Variants in HDAC9 observed in about 807,000 individuals in gnomAD.
HDAC9 encodes the protein MEF-2 interacting transcription repressor (MITR) protein.
In HDAC9, 41 loss-of-function variants were observed where a neutral mutation model predicts 139.4. The ratio of observed to expected loss-of-function variants is 0.29; its 90% CI spans 0.23 to 0.38. HDAC9 has a LOEUF of 0.38. HDAC9 is among the 10% of genes least tolerant of loss of function. The pLI is 1.00. For missense variants in HDAC9, 1,147 were observed against 1,297.0 expected, an observed-to-expected ratio of 0.88 and a Z score of 1.78; for synonymous variants, 517 against 476.2, an observed-to-expected ratio of 1.09 and a Z score of -1.12.
chr7:18,891,959 T>A (rs1011776953), intron 22 of HDAC9: 2 of 152,054 alleles, frequency 1.3e-5, no homozygotes, highest in Non-Finnish European at 2.9e-5. Context: ...AAATAAAAAA[T>A]AAATCTTGGA....
intron 2 of HDAC9, among the ~76,000 whole-genome samples, chr7:18,255,425 A>G (rs1024979043): frequency 4.6e-5 from 7 of 152,168 alleles, no homozygotes; most frequent in African/African-American, 1.7e-4. Flanking sequence ...GCCATAAGTC[A>G]GACAGGGAGC....
chr7:18,098,735 C>T (rs1458120655), intron 1 of HDAC9, among the ~76,000 whole-genome samples: 1 of 152,150 alleles, frequency 6.6e-6, no homozygotes, highest in African/African-American at 2.4e-5. Context: ...TCTATTTCTA[C>T]TTTCAGTCCA....
chr7:18,104,386 A>G (rs1039177352), intron 1 of HDAC9, among the ~76,000 whole-genome samples: 9 of 152,140 alleles, frequency 5.9e-5, no homozygotes, highest in Non-Finnish European at 1.2e-4. Flanking sequence ...TTCAATATCT[A>G]TCAGCTGAGG....
chr7:18,113,682 C>G (rs1783777058), intron 1 of HDAC9, among the ~76,000 whole-genome samples: 1 of 152,148 alleles, frequency 6.6e-6, no homozygotes, highest in African/African-American at 2.4e-5. Context: ...TATATGTATG[C>G]TTCAATTAAA....
At chr7:18,547,450 C>T (rs747572490) in intron 2 of HDAC9, among the ~76,000 whole-genome samples, 144 of 152,230 alleles carry the variant, frequency 9.5e-4, no homozygotes, top group Middle Eastern at 3.4e-3. Flanking sequence ...TTAGCCAGGA[C>T]AGTCTTGATC....
chr7:18,987,796 G>A (rs1785492638), intron 25 of HDAC9, among the ~76,000 whole-genome samples: 1 of 151,994 alleles, frequency 6.6e-6, no homozygotes, highest in South Asian at 2.1e-4. Context: ...TTAGTCTTGG[G>A]AGAGTGTATG....
At chr7:18,220,316 A>G (rs1195253468) in intron 2 of HDAC9, among the ~76,000 whole-genome samples, 1 of 152,220 alleles carries the variant, frequency 6.6e-6, no homozygotes, top group Non-Finnish European at 1.5e-5. Context: ...AAGATTAAAA[A>G]TAGAATAATA....
At chr7:18,588,573 G>A (rs778483235) in intron 3 of HDAC9, among the ~76,000 whole-genome samples, 8 of 152,200 alleles carry the variant, frequency 5.3e-5, no homozygotes, top group Non-Finnish European at 1.2e-4. Flanking sequence ...AAGGAAAGGT[G>A]TCATTGTCTC....
At chr7:18,984,610 C>T (rs60458111) in intron 25 of HDAC9, among the ~76,000 whole-genome samples, 7,748 of 151,916 alleles carry the variant, frequency 0.051, 228 homozygotes, top group Middle Eastern at 0.099. Flanking sequence ...AGGAAGAAAA[C>T]CTAGTGTAGA....
chr7:18,701,085 G>A (rs1054700700), intron 12 of HDAC9, among the ~76,000 whole-genome samples: 1 of 151,628 alleles, frequency 6.6e-6, no homozygotes, highest in Non-Finnish European at 1.5e-5. Flanking sequence ...GACTGTTGCT[G>A]CAAAATTTAT....
intron 6 of HDAC9, among the ~76,000 whole-genome samples, chr7:18,621,673 C>T (rs962599873): frequency 6.6e-6 from 1 of 152,076 alleles, no homozygotes; most frequent in Non-Finnish European, 1.5e-5. Flanking sequence ...GAAATAGTTA[C>T]ATTAGAAATT....
intron 22 of HDAC9, among the ~76,000 whole-genome samples, chr7:18,879,165 T>C (rs1264187018): frequency 2.0e-5 from 3 of 151,906 alleles, no homozygotes; most frequent in Non-Finnish European, 4.4e-5. Flanking sequence ...AGAGGAAACA[T>C]AAACAAATGG....
chr7:18,318,379 C>T (rs1440362426), intron 1 of HDAC9, among the ~76,000 whole-genome samples: 1 of 152,210 alleles, frequency 6.6e-6, no homozygotes, highest in African/African-American at 2.4e-5. Flanking sequence ...AACCACACCT[C>T]ACACTTACTG....
chr7:18,200,610 T>A (rs1562740533), intron 2 of HDAC9, among the ~76,000 whole-genome samples: 1 of 152,180 alleles, frequency 6.6e-6, no homozygotes, highest in African/African-American at 2.4e-5. Context: ...AATATGGGAC[T>A]TTATTGGGGT....
At chr7:18,204,984 T>C (rs572241663) in intron 2 of HDAC9, among the ~76,000 whole-genome samples, 13 of 152,250 alleles carry the variant, frequency 8.5e-5, no homozygotes, top group African/African-American at 2.9e-4. Flanking sequence ...ATGCTAATGT[T>C]TAGTGAACTA....
chr7:18,590,615 T>A, intron 4 of HDAC9, 129 bp downstream of exon 4: 2 of 942,818 alleles, frequency 2.1e-6, no homozygotes, highest in Non-Finnish European at 3.1e-6. Flanking sequence ...AAAGCATAGA[T>A]TACAGACCCA....
chr7:18,930,553 T>A (rs373972106), intron 22 of HDAC9, among the ~76,000 whole-genome samples: 4 of 152,254 alleles, frequency 2.6e-5, no homozygotes, highest in African/African-American at 9.6e-5. Flanking sequence ...CACACTCGGC[T>A]GGCATTTTTA....
intron 2 of HDAC9, among the ~76,000 whole-genome samples, chr7:18,226,421 A>T (rs113604821): frequency 6.6e-6 from 1 of 152,104 alleles, no homozygotes; most frequent in Non-Finnish European, 1.5e-5. Context: ...CCCAGGAAAA[A>T]AAAAAGGGAT....
At chr7:18,435,059 C>CAAAAAAAAAAAAAA (rs376786180) in intron 1 of HDAC9, among the ~76,000 whole-genome samples, 10 of 67,792 alleles carry the variant, frequency 1.5e-4, no homozygotes, top group East Asian at 4.7e-4. Context: ...ACTACACAGC[C>CAAAAAAAAAAAAAA]AAAAAAAAAA....
Sources: allele counts gnomAD v4.1 joint callset (sites outside exome capture counted in the v4.1 genomes callset), GRCh38; gene constraint gnomAD v4.1.1; transcripts MANE v1.5; gene names NCBI Gene and HGNC (gene_info 2026-07-23, HGNC 2026-07-21).